Variants in NBEAL1 observed in about 807,000 individuals in gnomAD.
NBEAL1 encodes the protein neurobeachin-like protein 1.
NBEAL1 carries 273 observed loss-of-function variants against 351.3 expected under a neutral mutation model. The ratio of observed to expected loss-of-function variants is 0.78; its 90% confidence interval spans 0.70 to 0.86. The LOEUF (loss-of-function observed/expected upper bound fraction) is 0.86, where lower values mean the gene tolerates loss of function less well. Ranked by LOEUF, NBEAL1 falls within the 40% of genes least tolerant of loss-of-function variation. The pLI is 0.00. For synonymous variants in NBEAL1, 1,050 were observed against 1,086.4 expected (o/e 0.97, Z 0.66); for missense variants, 2,961 against 3,201.3 (o/e 0.92, Z 1.81).
In NBEAL1 at chr2:203,201,642, A is replaced by T; in HGVS notation, c.7338A>T (p.Gly2446=). Residue 2446 remains glycine (G), a synonymous_variant, in exon 50 of 56, where the codon GGA becomes GGT. Coordinates refer to ENST00000683969, the MANE Select transcript of NBEAL1 (RefSeq NM_001378026.1). ...SHDAKLLFSA[G]YWDNSIQVMS... Reference sequence around the variant, plus strand: ...ATGCAAAGTTGCTCTTCAGTGCTGGATACTGGGATAATAGCATTCAAGTGA... The same window carrying T: ...ATGCAAAGTTGCTCTTCAGTGCTGGTTACTGGGATAATAGCATTCAAGTGA... 6.2e-7 allele frequency: 1 copy of T among 1,612,568 alleles called. No homozygotes were observed.
At chr2:203,075,535 A>G (rs757188114) in intron 7 of NBEAL1, among the ~76,000 whole-genome samples, 46 of 152,342 alleles carry the variant, frequency 3.0e-4, no homozygotes, top group South Asian at 1.2e-3. Flanking sequence ...CTTGTGGGCT[A>G]TCACACTATT....
chr2:203,192,759 A>G (rs771480914), intron 46 of NBEAL1, among the ~76,000 whole-genome samples: 2 of 152,100 alleles, frequency 1.3e-5, no homozygotes, highest in Admixed American at 6.6e-5. Flanking sequence ...GTAGAGATGT[A>G]AGAATTTACT....
intron 9 of NBEAL1, among the ~76,000 whole-genome samples, chr2:203,084,258 T>C (rs2061924946): frequency 6.6e-6 from 1 of 152,184 alleles, no homozygotes; most frequent in South Asian, 2.1e-4. Flanking sequence ...ATCCTGCCAC[T>C]CACTCATAAC....
intron 7 of NBEAL1, among the ~76,000 whole-genome samples, chr2:203,069,414 C>G (rs1008220063): frequency 2.0e-5 from 3 of 152,096 alleles, no homozygotes; most frequent in African/African-American, 7.2e-5. Flanking sequence ...GGACAGGAAA[C>G]CCAGCCTGCC....
At chr2:203,178,414 A>G (rs1422658222) in intron 42 of NBEAL1, among the ~76,000 whole-genome samples, 1 of 152,104 alleles carries the variant, frequency 6.6e-6, no homozygotes, top group Non-Finnish European at 1.5e-5. Context: ...TGATCTGCCC[A>G]CCATGGCCTA....
chr2:203,110,008 T>G, intron 14 of NBEAL1, 142 bp from the exon 15 acceptor site: 2 of 756,588 alleles, frequency 2.6e-6, no homozygotes, highest in Non-Finnish European at 4.0e-6. Flanking sequence ...GAAACAAGGT[T>G]GGACTTCTGT....
intron 14 of NBEAL1, among the ~76,000 whole-genome samples, chr2:203,108,611 G>C (rs1310018347): frequency 6.6e-6 from 1 of 151,882 alleles, no homozygotes; most frequent in African/African-American, 2.4e-5. Flanking sequence ...CACCGTGTTA[G>C]CCAGGATGGT....
intron 10 of NBEAL1, among the ~76,000 whole-genome samples, chr2:203,093,862 A>T (rs2062121715): frequency 6.6e-6 from 1 of 151,712 alleles, no homozygotes; most frequent in South Asian, 2.1e-4. Context: ...CAAAAACAAT[A>T]AAAAAAACAG....
chr2:203,097,594 C>T lies in NBEAL1; in HGVS notation c.1146C>T (p.Asp382=). Residue 382 remains aspartate (D), a synonymous_variant, in exon 11 of 56, where the codon GAC becomes GAT. Coordinates refer to ENST00000683969, the MANE Select transcript of NBEAL1 (RefSeq NM_001378026.1). ...AGGTGGCAGACAAGAACGAGAAAGA[C>T]CTTGCCAACAAATTACTGACAGAAA... is the stretch of plus-strand genomic sequence containing the variant. ...NNKVADKNEK[D]LANKLLTEMN... is the part of the protein sequence containing the mutation. 1 of 985,692 alleles carries T rather than the reference C, an allele frequency of 1.0e-6. No individual in the cohort carries two copies. Among genetic ancestry groups the T allele is most frequent in the Non-Finnish European group, 1.2e-6 (1 of 829,854 alleles). The allele number at this position is 985,692 out of a possible 1,614,324, so 61.1% of individuals were successfully genotyped here.
At chr2:203,141,348 A>G (rs901375681) in intron 31 of NBEAL1, among the ~76,000 whole-genome samples, 1 of 12,502 alleles carries the variant, frequency 8.0e-5, no homozygotes, top group African/African-American at 2.2e-4. Context: ...ACAGATTATT[A>G]TTATTATTAT....
intron 10 of NBEAL1, chr2:203,084,781 G>C (rs528632126): frequency 1.1e-4 from 42 of 369,834 alleles, no homozygotes; most frequent in Non-Finnish European, 1.9e-4. Context: ...GAATTTCTTT[G>C]TATGGGAAGA....
At chr2:203,102,977 A>G (rs1343000861) in intron 12 of NBEAL1, among the ~76,000 whole-genome samples, 1 of 152,078 alleles carries the variant, frequency 6.6e-6, no homozygotes, top group African/African-American at 2.4e-5. Flanking sequence ...TACTGATTCA[A>G]ATTTGGAACT....
At position 203,166,157 on chromosome 2, in the gene NBEAL1, A is replaced by G; in HGVS notation, c.5723A>G (p.Lys1908Arg). 6.4e-7 allele frequency: 1 copy of G among 1,567,450 alleles called. No homozygotes were observed. The highest frequency in any genetic ancestry group is 8.6e-7 in the Non-Finnish European group (1 of 1,163,738). Reference protein sequence around the residue: ...DITARVNVDEKEEQDQKEKLV... With the variant: ...DITARVNVDEREEQDQKEKLV... ...GCTTCTTGTTTTTACAGTGATGAGA[A>G]AGAAGAACAGGATCAAAAAGAAAAA... is the stretch of plus-strand genomic sequence containing the variant. The change falls in exon 37 of 56, where the codon AAA becomes AGA. Residue 1908 changes from lysine (K) to arginine (R), a missense_variant. Physicochemically the swap from Lys to Arg is conservative, Grantham distance 26. Transcript: ENST00000683969.
At position 203,157,709 on chromosome 2, in the gene NBEAL1, C is replaced by T. The variant is rs1209491636; in HGVS notation, c.5598C>T (p.His1866=). 1.9e-6 allele frequency: 3 copies of T among 1,589,526 alleles called. No individual in the cohort carries two copies. The Admixed American group carries it at 5.4e-5, about 29-fold the overall frequency. ...TTGTGTTTAAAACAGGTATCCAACA[C>T]TCACAGCCTTCCAGTGATACATTGC... ...SALRDNLGIQ[H]SQPSSDTLLL... is the part of the protein sequence containing the mutation. The change falls in exon 36 of 56, where the codon CAC becomes CAT. Residue 1866 remains histidine (H), a synonymous_variant. Transcript: ENST00000683969.
chr2:203,042,704 C>T (rs754811342), intron 3 of NBEAL1, among the ~76,000 whole-genome samples: 2 of 151,958 alleles, frequency 1.3e-5, no homozygotes, highest in African/African-American at 2.4e-5. Context: ...TCTCCTGCCT[C>T]AGCCTCCCAA....
chr2:203,188,540 A>G lies in NBEAL1; in HGVS notation c.6774A>G (p.Gly2258=), dbSNP rs530848280. 2.5e-6 allele frequency: 4 copies of G among 1,609,936 alleles called. No individual in the cohort carries two copies. The African/African-American group carries it at 5.3e-5, about 22-fold the overall frequency. Residue 2258 remains glycine, a synonymous_variant, in exon 45 of 56, where the codon GGA becomes GGG. Coordinates refer to ENST00000683969, the MANE Select transcript of NBEAL1 (RefSeq NM_001378026.1). ...TGATCTTTGGCTATAAACAGAGGGG[A>G]CCAGCTGCAGTAGAGGCACTCAACG... ...IDLIFGYKQR[G]PAAVEALNVF...
rs892255217 is a variant in NBEAL1, at chr2:203,221,806, A to G, written c.*4452A>G. Among the ~76,000 whole-genome samples the G allele has an allele frequency of 1.3e-5, 2 of 152,096 alleles. No homozygotes were observed. Among genetic ancestry groups the G allele is most frequent in the African/African-American group, 4.8e-5 (2 of 41,406 alleles). On this transcript the variant is annotated 3_prime_UTR_variant, in exon 56 of 56. Transcript: ENST00000683969. ...CCTGTATTTATCAGAGTCATGTGGTATTTTTCTTGATGACCTTAGGCAACA... is the reference window on the plus strand; with the variant it reads ...CCTGTATTTATCAGAGTCATGTGGTGTTTTTCTTGATGACCTTAGGCAACA...
At chr2:203,024,248 CAA>C (rs2060818185) in intron 2 of NBEAL1, among the ~76,000 whole-genome samples, 1 of 150,728 alleles carries the variant, frequency 6.6e-6, no homozygotes, top group South Asian at 2.1e-4. Context: ...GTGTCAAATT[CAA>C]CATGGCAGTC....
rs1358111334 is a variant in NBEAL1 at position 203,167,293 on chromosome 2, TAAG to T, written c.5935_5937del (p.Arg1979del). 1.2e-6 allele frequency: 2 copies of T among 1,613,288 alleles called. No individual in the cohort carries two copies. Among genetic ancestry groups the T allele is most frequent in the African/African-American group, 1.3e-5 (1 of 75,030 alleles). On this transcript the variant is annotated inframe_deletion, in exon 38 of 56. Coordinates refer to ENST00000683969, the MANE Select transcript of NBEAL1 (RefSeq NM_001378026.1). ...GAGATTCATCTCCGGCGTTACAATT[TAAG>T]AAGATCAGCCCTTGAGATTTTTCAT...
Sources: allele counts gnomAD v4.1 joint callset (sites outside exome capture counted in the v4.1 genomes callset), GRCh38; gene constraint gnomAD v4.1.1; transcripts MANE v1.5; gene names NCBI Gene and HGNC (gene_info 2026-07-23, HGNC 2026-07-21).